Variants in LRRCC1 observed in about 807,000 individuals in gnomAD.
LRRCC1 encodes the protein leucine-rich repeat and coiled-coil domain-containing protein 1.
LRRCC1 carries 115 observed loss-of-function variants against 126.0 expected under a neutral mutation model. The ratio of observed to expected loss-of-function variants is 0.91; its 90% CI spans 0.78 to 1.07. The LOEUF is 1.07. LRRCC1 is among the 50% of genes least tolerant of loss of function. The probability of loss-of-function intolerance (pLI) is 0.00; values close to 1 mark genes in which losing one functional copy is unlikely to be tolerated. For missense variants in LRRCC1, 1,172 were observed against 1,175.7 expected (o/e 1.00, Z 0.05); for synonymous variants, 400 against 393.4 (o/e 1.02, Z -0.20).
rs1213939357 is a variant in LRRCC1 at position 85,126,820 on chromosome 8, T to C, written c.1404T>C (p.Ala468=). The change falls in exon 9 of 19, where the codon GCT becomes GCC. Residue 468 remains alanine, a synonymous_variant. Coordinates refer to ENST00000360375, the MANE Select transcript of LRRCC1 (RefSeq NM_033402.5). ...ANEKEDIHSL[A]LLTTDRLKEI... is the part of the protein sequence containing the mutation. ...AAAAAGAGGATATTCATAGTCTGGC[T>C]CTACTTACCACAGATAGGTAAAAAG... The C allele has an allele frequency of 6.2e-7, 1 of 1,611,256 alleles. No individual in the cohort carries two copies. Among genetic ancestry groups the C allele is most frequent in the Admixed American group, 1.7e-5 (1 of 59,770 alleles).
At chr8:85,121,598 C>T (rs911348495) in intron 6 of LRRCC1, among the ~76,000 whole-genome samples, 2 of 152,112 alleles carry the variant, frequency 1.3e-5, no homozygotes, top group East Asian at 1.9e-4. Flanking sequence ...TGTGCCACCA[C>T]GCCCAGCTAA....
At chr8:85,132,051 A>C in intron 12 of LRRCC1, 90 bp downstream of exon 12, 11 of 1,062,368 alleles carry the variant, frequency 1.0e-5, no homozygotes, top group Non-Finnish European at 1.2e-5. Context: ...TAGCTGTATT[A>C]AATGTTGGCT....
chr8:85,109,728 A>C lies in LRRCC1; in HGVS notation c.238A>C (p.Ile80Leu), dbSNP rs372149999. 1.2e-6 allele frequency: 2 copies of C among 1,603,820 alleles called. No individual in the cohort carries two copies. Among genetic ancestry groups the C allele is most frequent in the Admixed American group, 3.3e-5 (2 of 59,856 alleles). The change falls in exon 2 of 19, where the codon ATT (isoleucine) becomes CTT (leucine). Residue 80 changes from isoleucine to leucine, a missense_variant. Transcript: ENST00000360375. ...TCTGTCATCTAATCAAATAAGTAGA[A>C]TTGAAGGACTAAACACACTGACAAA... is the stretch of plus-strand genomic sequence containing the variant. ...LDLSSNQISR[I>L]EGLNTLTKLC...
In LRRCC1 at chr8:85,123,618, A is replaced by C; in HGVS notation, c.1124+12A>C. The C allele has an allele frequency of 6.5e-7, 1 of 1,549,994 alleles. No individual in the cohort carries two copies. On this transcript the variant is annotated intron_variant, in intron 7 of 18. Coordinates refer to ENST00000360375, the MANE Select transcript of LRRCC1 (RefSeq NM_033402.5). ...AACTCTTTTGTAAGGTACTTGTTTT[A>C]GTTTTAGAAATTTAAGGCACACAGA...
intron 3 of LRRCC1, 117 bp downstream of exon 3, chr8:85,110,297 A>G: frequency 2.1e-6 from 1 of 468,732 alleles, no homozygotes. Flanking sequence ...TTAGCCAAAG[A>G]GCTCATCTAG....
At position 85,130,016 on chromosome 8, in the gene LRRCC1, A is replaced by G; in HGVS notation, c.1724A>G (p.Gln575Arg). 1.9e-6 allele frequency: 3 copies of G among 1,600,908 alleles called. No individual in the cohort carries two copies. Among genetic ancestry groups the G allele is most frequent in the Non-Finnish European group, 2.6e-6 (3 of 1,175,206 alleles). Residue 575 changes from glutamine to arginine, a missense_variant, in exon 11 of 19, where the codon CAA becomes CGA. By Grantham distance (43) the Gln-to-Arg change is conservative. Transcript: ENST00000360375. ...TSLHREREQA[Q>R]QLHQLLALKE... is the part of the protein sequence containing the mutation. ...CTTCATCGAGAAAGAGAACAAGCGC[A>G]ACAACTTCATCAACTTCTTGCATTG...
Position 85,124,812 on chromosome 8 carries a change from C to T in LRRCC1, c.1145C>T (p.Pro382Leu). ...SFVSCNRKMKPPYLKELYVSS... is the reference protein window; with the variant it reads ...SFVSCNRKMKLPYLKELYVSS... ...TACAGTTGTAATCGTAAAATGAAAC[C>T]ACCTTACCTTAAAGAATTATATGTA... is the stretch of plus-strand genomic sequence containing the variant. Residue 382 changes from proline (P) to leucine (L), a missense_variant, in exon 8 of 19, where the codon CCA becomes CTA. Transcript: ENST00000360375. 1.3e-6 allele frequency: 2 copies of T among 1,565,668 alleles called. No individual in the cohort carries two copies. Among genetic ancestry groups the T allele is most frequent in the East Asian group, 2.3e-5 (1 of 43,662 alleles).
Position 85,130,314 on chromosome 8 carries a change from T to G in LRRCC1, c.1766+256T>G, listed in dbSNP as rs1170830337. ...CCATGCTGGCTAATTTTTTTTTTTT[T>G]TGTATTTTTAGTAGAGATGGGGTTT... On this transcript the variant is annotated intron_variant, in intron 11 of 18. Coordinates refer to ENST00000360375, the MANE Select transcript of LRRCC1 (RefSeq NM_033402.5). Among the ~76,000 whole-genome samples, 9 of 151,844 alleles carry G rather than the reference T, an allele frequency of 5.9e-5. No individual in the cohort carries two copies. The South Asian group carries it at 1.7e-3, about 28-fold the overall frequency.
Position 85,135,797 on chromosome 8 carries a change from C to G in LRRCC1, c.2163C>G (p.Ile721Met). ...QETAANLQNQ[I>M]NTLEILIEDD... ...TTTTTGGGAATATACAGAATCAAAT[C>G]AACACCCTTGAAATTTTAATTGAAG... Residue 721 changes from isoleucine (I) to methionine (M), a missense_variant, in exon 14 of 19, where the codon ATC becomes ATG. By Grantham distance (10) the Ile-to-Met change is conservative. Coordinates refer to ENST00000360375, the MANE Select transcript of LRRCC1 (RefSeq NM_033402.5). 2 of 1,521,642 alleles carry G rather than the reference C, an allele frequency of 1.3e-6. No individual in the cohort carries two copies. The highest frequency in any genetic ancestry group is 1.8e-6 in the Non-Finnish European group (2 of 1,133,306). 94.3% of individuals were successfully genotyped at this position (1,521,642 alleles called of 1,614,324 possible).
chr8:85,114,876 G>A (rs1184084572), intron 4 of LRRCC1, among the ~76,000 whole-genome samples: 2 of 152,030 alleles, frequency 1.3e-5, no homozygotes, highest in African/African-American at 2.4e-5. Context: ...CATCAGGAGG[G>A]TTATTTGAGA....
At chr8:85,125,073 T>G (rs1809870298) in intron 8 of LRRCC1, 134 bp downstream of exon 8, 1 of 580,948 alleles carries the variant, frequency 1.7e-6, no homozygotes, top group African/African-American at 2.0e-5. Flanking sequence ...TATTTTTTCC[T>G]TCCTGATTTC....
rs1488579142 is a variant in LRRCC1, at chr8:85,138,428, G to A, written c.2793G>A (p.Lys931=). 6.2e-7 allele frequency: 1 copy of A among 1,612,172 alleles called. No individual in the cohort carries two copies. Among genetic ancestry groups the A allele is most frequent in the African/African-American group, 1.3e-5 (1 of 74,844 alleles). ...AAGTGAAAGAAAAATTTGAAAACAA[G>A]GAAAAGAAACTTAAAGCGGAAAGAG... The part of the protein sequence containing the change: ...VKEVKEKFEN[K]EKKLKAERDK... Residue 931 remains lysine (K), a synonymous_variant, in exon 17 of 19, where the codon AAG becomes AAA. Transcript: ENST00000360375.
chr8:85,130,135 A>AT (rs11312968), intron 11 of LRRCC1, 77 bp downstream of exon 11: 32,499 of 625,488 alleles, frequency 0.052, 228 homozygotes, highest in African/African-American at 0.074. Context: ...CACTACCAGT[A>AT]TTTTTTTTTT....
At position 85,129,305 on chromosome 8, in the gene LRRCC1, C is replaced by G. The variant is rs1233577834; in HGVS notation, c.1552C>G (p.Leu518Val). 1 of 1,613,602 alleles carries G rather than the reference C, an allele frequency of 6.2e-7. No individual in the cohort carries two copies. Among genetic ancestry groups the G allele is most frequent in the Non-Finnish European group, 8.5e-7 (1 of 1,179,866 alleles). The change falls in exon 10 of 19, where the codon CTT becomes GTT. Residue 518 changes from leucine (L) to valine (V), a missense_variant. By Grantham distance (32) the Leu-to-Val change is conservative. Transcript: ENST00000360375. ...MKAKDQQEDHLKHLRTLEKTL... is the reference protein window; with the variant it reads ...MKAKDQQEDHVKHLRTLEKTL... Reference sequence around the variant, plus strand: ...AGCAAAAGATCAACAAGAGGATCACCTTAAACACTTAAGAACCCTCGAAAA... The same window carrying G: ...AGCAAAAGATCAACAAGAGGATCACGTTAAACACTTAAGAACCCTCGAAAA...
chr8:85,126,028 C>T (rs1275079544), intron 8 of LRRCC1, among the ~76,000 whole-genome samples: 1 of 152,096 alleles, frequency 6.6e-6, no homozygotes, highest in East Asian at 1.9e-4. Flanking sequence ...TCAACCCCCG[C>T]CCCAAGTTTG....
chr8:85,142,474 A>T (rs974610662), intron 18 of LRRCC1, among the ~76,000 whole-genome samples: 1 of 152,158 alleles, frequency 6.6e-6, no homozygotes, highest in Non-Finnish European at 1.5e-5. Flanking sequence ...GTATCTGTAA[A>T]ACTAGAGATG....
At chr8:85,132,613 G>A (rs987952309) in intron 12 of LRRCC1, among the ~76,000 whole-genome samples, 6 of 151,984 alleles carry the variant, frequency 3.9e-5, no homozygotes, top group African/African-American at 1.5e-4. Flanking sequence ...GGCTGGTCTC[G>A]AACTCCTGAT....
At chr8:85,124,161 T>A (rs946850583) in intron 7 of LRRCC1, among the ~76,000 whole-genome samples, 1 of 152,166 alleles carries the variant, frequency 6.6e-6, no homozygotes, top group African/African-American at 2.4e-5. Flanking sequence ...ATAATTGGGA[T>A]CACCATGACA....
chr8:85,141,264 A>T (rs1007825292), intron 17 of LRRCC1, 118 bp from the exon 18 acceptor site: 5 of 701,584 alleles, frequency 7.1e-6, no homozygotes, highest in Admixed American at 3.0e-5. Flanking sequence ...TATTTTCATA[A>T]TACTGAGTTA....
Sources: allele counts gnomAD v4.1 joint callset (sites outside exome capture counted in the v4.1 genomes callset), GRCh38; gene constraint gnomAD v4.1.1; transcripts MANE v1.5; gene names NCBI Gene and HGNC (gene_info 2026-07-23, HGNC 2026-07-21).